The following DOCK4 variants were observed in gnomAD, a reference collection of about 807,000 sequenced individuals.
The protein encoded by DOCK4 is dedicator of cytokinesis protein 4.
Under a neutral mutation model 268.1 loss-of-function variants are expected in DOCK4, and 97 were observed. That is an observed-to-expected ratio of 0.36 (90% CI 0.31 to 0.43). DOCK4 has a LOEUF of 0.43. DOCK4 is among the 20% of genes least tolerant of loss of function. The pLI, the probability that DOCK4 is intolerant of heterozygous loss-of-function variation, is 1.00. For synonymous variants in DOCK4, 954 were observed against 887.2 expected (o/e 1.08, Z -1.34); for missense variants, 2,145 against 2,455.7 (o/e 0.87, Z 2.67).
At chr7:111,903,465 C>T (rs563106779) in intron 13 of DOCK4, among the ~76,000 whole-genome samples, 69 of 152,310 alleles carry the variant, frequency 4.5e-4, no homozygotes, top group African/African-American at 1.5e-3. Context: ...TATTTCAACA[C>T]TTTAAAAATT....
At chr7:112,142,846 C>T (rs1277230576) in intron 1 of DOCK4, among the ~76,000 whole-genome samples, 1 of 152,072 alleles carries the variant, frequency 6.6e-6, no homozygotes, top group Non-Finnish European at 1.5e-5. Flanking sequence ...TACCCTTCTG[C>T]AACTTGCTTG....
At chr7:111,866,897 G>T (rs548717527) in intron 22 of DOCK4, among the ~76,000 whole-genome samples, 49 of 152,318 alleles carry the variant, frequency 3.2e-4, no homozygotes, top group African/African-American at 1.2e-3. Flanking sequence ...TGGTTAGCCT[G>T]GTGGATTATC....
chr7:112,176,855 T>G (rs1002587195), intron 1 of DOCK4, among the ~76,000 whole-genome samples: 5 of 152,148 alleles, frequency 3.3e-5, no homozygotes, highest in African/African-American at 7.2e-5. Context: ...GGTGGTGGTG[T>G]TGTTTGTGCT....
intron 1 of DOCK4, among the ~76,000 whole-genome samples, chr7:112,082,737 A>G (rs1294733750): frequency 6.6e-6 from 1 of 152,148 alleles, no homozygotes; most frequent in African/African-American, 2.4e-5. Flanking sequence ...GAAAAAGAGA[A>G]AGGAGAGAGA....
intron 1 of DOCK4, among the ~76,000 whole-genome samples, chr7:112,144,010 A>C (rs1313562133): frequency 2.6e-5 from 4 of 152,236 alleles, no homozygotes; most frequent in Non-Finnish European, 5.9e-5. Flanking sequence ...AAGAAGCTGA[A>C]GTGGAAAGAG....
intron 1 of DOCK4, among the ~76,000 whole-genome samples, chr7:112,116,753 T>C (rs772274164): frequency 2.0e-5 from 3 of 152,200 alleles, no homozygotes; most frequent in Non-Finnish European, 2.9e-5. Flanking sequence ...GAATTTATTG[T>C]ACAGTTTTCT....
intron 1 of DOCK4, among the ~76,000 whole-genome samples, chr7:112,038,484 A>C (rs1804046738): frequency 6.6e-6 from 1 of 152,152 alleles, no homozygotes; most frequent in Admixed American, 6.5e-5. Flanking sequence ...ACAAATACTA[A>C]TGTCACCCTG....
At chr7:111,832,413 TTACATCCC>T (rs1802900785) in intron 26 of DOCK4, among the ~76,000 whole-genome samples, 1 of 152,252 alleles carries the variant, frequency 6.6e-6, no homozygotes, top group Non-Finnish European at 1.5e-5. Flanking sequence ...TTGTGCCTGG[TTACATCCC>T]TAGTGCGTGG....
intron 1 of DOCK4, among the ~76,000 whole-genome samples, chr7:112,086,511 T>C (rs552625910): frequency 1.1e-4 from 16 of 152,276 alleles, no homozygotes; most frequent in Admixed American, 9.2e-4. Flanking sequence ...ATTAAGTACC[T>C]ACCTTCTCCT....
At chr7:112,162,594 T>C (rs1260361692) in intron 1 of DOCK4, among the ~76,000 whole-genome samples, 1 of 150,644 alleles carries the variant, frequency 6.6e-6, no homozygotes, top group East Asian at 2.0e-4. Context: ...CTATCCAAAA[T>C]CCTAACCATG....
chr7:111,822,175 A>G (rs184772868), intron 27 of DOCK4, among the ~76,000 whole-genome samples, 187 bp downstream of exon 27: 7 of 152,276 alleles, frequency 4.6e-5, no homozygotes, highest in Admixed American at 4.6e-4. Flanking sequence ...ATGTTGTTCG[A>G]TTTCTGAATG....
intron 32 of DOCK4, among the ~76,000 whole-genome samples, chr7:111,785,550 C>G (rs1426742017): frequency 6.6e-6 from 1 of 152,176 alleles, no homozygotes; most frequent in Non-Finnish European, 1.5e-5. Context: ...TTATGCACAA[C>G]CTGTTTCCTT....
intron 1 of DOCK4, among the ~76,000 whole-genome samples, chr7:112,055,014 G>C (rs753881729): frequency 6.6e-5 from 10 of 152,192 alleles, no homozygotes; most frequent in Non-Finnish European, 1.2e-4. Flanking sequence ...TATTTGTACA[G>C]TCCATGTATT....
chr7:112,059,717 G>C (rs1457132929), intron 1 of DOCK4, among the ~76,000 whole-genome samples: 2 of 152,112 alleles, frequency 1.3e-5, no homozygotes, highest in African/African-American at 4.8e-5. Context: ...AGGAAAACAT[G>C]GACATGTCAA....
intron 10 of DOCK4, among the ~76,000 whole-genome samples, chr7:111,941,096 A>G (rs1166073688): frequency 6.6e-6 from 1 of 152,232 alleles, no homozygotes. Context: ...TTTGGCTTTC[A>G]TTCATCAGTA....
chr7:111,809,217 A>C, intron 29 of DOCK4, 84 bp downstream of exon 29: 19 of 1,062,956 alleles, frequency 1.8e-5, no homozygotes, highest in Non-Finnish European at 2.7e-5. Context: ...ATTTCCAGTT[A>C]TGCGCATTCT....
intron 1 of DOCK4, among the ~76,000 whole-genome samples, chr7:112,067,357 T>G (rs575775167): frequency 5.9e-5 from 9 of 151,972 alleles, no homozygotes; most frequent in African/African-American, 2.2e-4. Context: ...AGAAAGGCCA[T>G]TAAGACAGTG....
At chr7:111,984,213 A>T (rs913519888) in intron 7 of DOCK4, 93 bp downstream of exon 7, 3 of 1,138,068 alleles carry the variant, frequency 2.6e-6, no homozygotes, top group African/African-American at 3.1e-5. Context: ...ATCCTGGAAC[A>T]TCCTGTTCTT....
chr7:111,741,723 G>C, intron 45 of DOCK4, 62 bp from the exon 46 acceptor site: 2 of 1,576,942 alleles, frequency 1.3e-6, no homozygotes, highest in Admixed American at 1.8e-5. Flanking sequence ...TAACTTATGA[G>C]ACAGGTTAGC....
Sources: allele counts gnomAD v4.1 joint callset (sites outside exome capture counted in the v4.1 genomes callset), GRCh38; gene constraint gnomAD v4.1.1; transcripts MANE v1.5; gene names NCBI Gene and HGNC (gene_info 2026-07-23, HGNC 2026-07-21).